Variants in CA10 observed in about 807,000 individuals in gnomAD.
CA10 encodes carbonic anhydrase-related protein 10.
Under a neutral mutation model 44.2 loss-of-function variants are expected in CA10, and 14 were observed. That is an observed-to-expected ratio of 0.32 (90% CI 0.21 to 0.50). The LOEUF is 0.50. CA10 is among the 20% of genes least tolerant of loss of function. CA10 has a pLI of 0.99. For missense variants in CA10, 350 were observed against 409.7 expected (o/e 0.85, Z 1.26); for synonymous variants, 159 against 141.6 (o/e 1.12, Z -0.87).
chr17:51,749,232 G>A (rs1904810251), intron 3 of CA10, among the ~76,000 whole-genome samples: 2 of 152,224 alleles, frequency 1.3e-5, no homozygotes, highest in Admixed American at 6.5e-5. Flanking sequence ...TTTTGTAACT[G>A]CTGTCATCTA....
intron 4 of CA10, among the ~76,000 whole-genome samples, chr17:51,711,122 A>T (rs1915931941): frequency 6.6e-6 from 1 of 152,126 alleles, no homozygotes; most frequent in Non-Finnish European, 1.5e-5. Context: ...TTAGATTTTT[A>T]AAAAACAGAT....
rs146901238 is a variant in CA10, at chr17:51,670,536, A to T, written c.466-16800T>A. Among the ~76,000 whole-genome samples, 475 of 151,884 alleles carry T rather than the reference A, an allele frequency of 3.1e-3. 8 individuals are homozygous for T. The highest frequency in any genetic ancestry group is 0.023 in the Admixed American group (346 of 15,258). The stretch of plus-strand genomic sequence containing the variant: ...CTCTGGGACACCAACTCATGCGTGA[A>T]TCTGGGGAATTAATCTTCTCTTGTT... On this transcript the variant is annotated intron_variant, in intron 4 of 8. Coordinates refer to ENST00000451037, the MANE Select transcript of CA10 (RefSeq NM_020178.5).
intron 2 of CA10, among the ~76,000 whole-genome samples, chr17:52,055,709 C>A (rs1987209913): frequency 6.6e-6 from 1 of 151,908 alleles, no homozygotes; most frequent in Admixed American, 6.6e-5. Flanking sequence ...TATTTTCTCC[C>A]AATTAGCCAT....
chr17:51,839,363 TGAGCCTGTAGTCCCA>T (rs1266773905), intron 3 of CA10, among the ~76,000 whole-genome samples: 1 of 151,770 alleles, frequency 6.6e-6, no homozygotes. Flanking sequence ...CGTGGTGGCA[TGAGCCTGTAGTCCCA>T]GCTGCTGGGG....
intron 3 of CA10, among the ~76,000 whole-genome samples, chr17:51,788,048 G>A (rs1022042134): frequency 6.6e-5 from 10 of 152,014 alleles, no homozygotes; most frequent in African/African-American, 2.2e-4. Context: ...ACATGGTTAG[G>A]TTGCTTATTT....
chr17:51,990,520 A>G (rs1428336479), intron 2 of CA10, among the ~76,000 whole-genome samples: 1 of 152,150 alleles, frequency 6.6e-6, no homozygotes, highest in African/African-American at 2.4e-5. Flanking sequence ...TAAAGGAAGT[A>G]GGAGAGGAGA....
intron 1 of CA10, among the ~76,000 whole-genome samples, chr17:52,132,476 T>G (rs1326033886): frequency 1.3e-5 from 2 of 152,218 alleles, no homozygotes; most frequent in Non-Finnish European, 2.9e-5. Context: ...TCTTCTAAAG[T>G]ACTAAGCACA....
At chr17:51,851,275 C>T (rs963735565) in intron 3 of CA10, among the ~76,000 whole-genome samples, 4 of 152,194 alleles carry the variant, frequency 2.6e-5, no homozygotes, top group South Asian at 2.1e-4. Flanking sequence ...CTGTAACCTA[C>T]GATGCAAACG....
chr17:51,820,717 T>C (rs535107758), intron 3 of CA10, among the ~76,000 whole-genome samples: 1 of 152,166 alleles, frequency 6.6e-6, no homozygotes, highest in South Asian at 2.1e-4. Flanking sequence ...CTCTAGATTC[T>C]TGAGCTTCAA....
intron 3 of CA10, among the ~76,000 whole-genome samples, chr17:51,849,130 TAA>T (rs1355430959): frequency 2.1e-5 from 3 of 144,464 alleles, no homozygotes; most frequent in Admixed American, 7.1e-5. Flanking sequence ...TATATAAATA[TAA>T]AAACTTAGTT....
chr17:51,798,257 C>T (rs756096721), intron 3 of CA10, among the ~76,000 whole-genome samples: 72 of 152,162 alleles, frequency 4.7e-4, no homozygotes, highest in Non-Finnish European at 9.8e-4. Context: ...GTTCCTTCTA[C>T]GTTATTTAGG....
intron 4 of CA10, among the ~76,000 whole-genome samples, chr17:51,735,426 G>A (rs976120300): frequency 1.3e-5 from 2 of 152,062 alleles, no homozygotes; most frequent in Non-Finnish European, 2.9e-5. Flanking sequence ...ACTGACTGAT[G>A]GGTACTATGC....
At chr17:51,765,691 CTGTGTGTG>C (rs61631215) in intron 3 of CA10, among the ~76,000 whole-genome samples, 21 of 140,278 alleles carry the variant, frequency 1.5e-4, no homozygotes, top group East Asian at 4.4e-4. Flanking sequence ...AGGCAGCTCC[CTGTGTGTG>C]TGTGTGTGTG....
At chr17:51,874,950 G>GT (rs1302770602) in intron 3 of CA10, among the ~76,000 whole-genome samples, 858 of 5,882 alleles carry the variant, frequency 0.15, 11 homozygotes, top group African/African-American at 0.32. Flanking sequence ...TTTTTCTTCT[G>GT]TTTTTTTTTC....
chr17:51,905,843 G>A (rs780490095), intron 3 of CA10, among the ~76,000 whole-genome samples: 35 of 151,964 alleles, frequency 2.3e-4, no homozygotes, highest in Non-Finnish European at 5.0e-4. Flanking sequence ...CTCAGTTGAT[G>A]ACCTTGATTC....
chr17:52,049,743 G>T (rs1313187380), intron 2 of CA10, among the ~76,000 whole-genome samples: 1 of 152,086 alleles, frequency 6.6e-6, no homozygotes, highest in Non-Finnish European at 1.5e-5. Flanking sequence ...TCTTTTGAAA[G>T]TTTCACAAGT....
At chr17:52,057,099 C>T (rs1261545274) in intron 2 of CA10, among the ~76,000 whole-genome samples, 1 of 152,058 alleles carries the variant, frequency 6.6e-6, no homozygotes, top group East Asian at 1.9e-4. Flanking sequence ...ATTAGAGTTT[C>T]CCCCATCAAA....
chr17:51,971,940 A>G (rs1984294382), intron 2 of CA10, among the ~76,000 whole-genome samples: 2 of 151,998 alleles, frequency 1.3e-5, no homozygotes, highest in Non-Finnish European at 2.9e-5. Flanking sequence ...ACCAACCAAC[A>G]TTTATTTAGT....
intron 1 of CA10, among the ~76,000 whole-genome samples, chr17:52,152,106 C>T (rs112427453): frequency 1.3e-5 from 2 of 151,908 alleles, no homozygotes; most frequent in Non-Finnish European, 2.9e-5. Context: ...CCCTCCAGTT[C>T]ACCCCCTACG....
Sources: allele counts gnomAD v4.1 joint callset (sites outside exome capture counted in the v4.1 genomes callset), GRCh38; gene constraint gnomAD v4.1.1; transcripts MANE v1.5; gene names NCBI Gene and HGNC (gene_info 2026-07-23, HGNC 2026-07-21).